RTN1: variants seen among roughly 807,000 people sequenced by gnomAD.
RTN1 encodes the protein reticulon-1.
In RTN1, 25 loss-of-function variants were observed where a neutral mutation model predicts 65.5. The ratio of observed to expected loss-of-function variants is 0.38; its 90% CI spans 0.28 to 0.53. The LOEUF (loss-of-function observed/expected upper bound fraction) is 0.53. RTN1 is among the 20% of genes least tolerant of loss of function. RTN1 has a pLI of 0.79. For missense variants in RTN1, 983 were observed against 1,025.4 expected, an observed-to-expected ratio of 0.96 and a Z score of 0.57; for synonymous variants, 471 against 447.6, an observed-to-expected ratio of 1.05 and a Z score of -0.66.
intron 3 of RTN1, among the ~76,000 whole-genome samples, chr14:59,721,600 G>A (rs1249890276): frequency 2.6e-5 from 4 of 152,182 alleles, no homozygotes; most frequent in African/African-American, 9.7e-5. Flanking sequence ...AGGTGCTGAG[G>A]TACCTGGTCC....
intron 1 of RTN1, among the ~76,000 whole-genome samples, chr14:59,749,650 T>G: frequency 1.8e-5 from 1 of 55,870 alleles, no homozygotes; most frequent in Non-Finnish European, 2.9e-5. Context: ...TATATATATT[T>G]ATATAGATAT....
At chr14:59,694,121 A>T (rs767851644) in intron 3 of RTN1, among the ~76,000 whole-genome samples, 1 of 152,188 alleles carries the variant, frequency 6.6e-6, no homozygotes, top group Non-Finnish European at 1.5e-5. Context: ...AAGGGTCTTC[A>T]TCGCCTTTTC....
intron 3 of RTN1, among the ~76,000 whole-genome samples, chr14:59,710,324 A>G (rs1298669060): frequency 1.3e-5 from 2 of 152,216 alleles, no homozygotes; most frequent in Non-Finnish European, 2.9e-5. Flanking sequence ...CACTGTTCCC[A>G]GCCAGGGCTG....
chr14:59,659,414 G>T (rs1883194373), intron 3 of RTN1, among the ~76,000 whole-genome samples: 1 of 151,996 alleles, frequency 6.6e-6, no homozygotes, highest in South Asian at 2.1e-4. Flanking sequence ...TTCTTGAGAA[G>T]AGCAACCCCA....
intron 1 of RTN1, among the ~76,000 whole-genome samples, chr14:59,864,981 G>GC (rs1222879720): frequency 5.9e-5 from 9 of 152,044 alleles, no homozygotes; most frequent in Admixed American, 5.9e-4. Context: ...AAATTAAAGA[G>GC]CATGCTTTCT....
At chr14:59,689,420 C>T (rs979066461) in intron 3 of RTN1, among the ~76,000 whole-genome samples, 1 of 152,134 alleles carries the variant, frequency 6.6e-6, no homozygotes, top group Non-Finnish European at 1.5e-5. Context: ...CTCAATCTTG[C>T]TAGAGAGGTA....
intron 3 of RTN1, among the ~76,000 whole-genome samples, chr14:59,698,183 T>G (rs1046910104): frequency 6.6e-6 from 1 of 152,184 alleles, no homozygotes; most frequent in Non-Finnish European, 1.5e-5. Flanking sequence ...GAGTTCTCTG[T>G]ACTGAGAATG....
At chr14:59,769,686 C>T (rs74058800) in intron 1 of RTN1, among the ~76,000 whole-genome samples, 1,753 of 152,300 alleles carry the variant, frequency 0.012, 31 homozygotes, top group African/African-American at 0.04. Flanking sequence ...GCCTTTATCA[C>T]GTAACAGTCT....
intron 2 of RTN1, among the ~76,000 whole-genome samples, chr14:59,728,387 A>C (rs112748783): frequency 6.6e-6 from 1 of 150,956 alleles, no homozygotes; most frequent in Non-Finnish European, 1.5e-5. Context: ...AGCCCACTGT[A>C]TTCTTTCCCT....
intron 3 of RTN1, among the ~76,000 whole-genome samples, chr14:59,616,420 T>G (rs766741933): frequency 4.6e-5 from 7 of 152,162 alleles, no homozygotes; most frequent in Non-Finnish European, 7.4e-5. Context: ...TAACAGGTGC[T>G]CTTAAATGCA....
At chr14:59,651,140 A>G (rs1391254257) in intron 3 of RTN1, among the ~76,000 whole-genome samples, 1 of 152,190 alleles carries the variant, frequency 6.6e-6, no homozygotes, top group African/African-American at 2.4e-5. Context: ...AAACTATACT[A>G]TGGGGCTATA....
intron 2 of RTN1, among the ~76,000 whole-genome samples, chr14:59,736,045 T>C (rs779390166): frequency 6.1e-4 from 93 of 152,162 alleles, no homozygotes; most frequent in Non-Finnish European, 1.2e-3. Context: ...AAAGCAGTGT[T>C]AAGAGGGAAA....
intron 3 of RTN1, among the ~76,000 whole-genome samples, chr14:59,703,345 C>T (rs1884220667): frequency 1.3e-5 from 2 of 152,276 alleles, no homozygotes; most frequent in African/African-American, 4.8e-5. Context: ...TTAGCACTAT[C>T]CCCTTAGTGA....
At chr14:59,822,744 CTT>C (rs1184119681) in intron 1 of RTN1, among the ~76,000 whole-genome samples, 1 of 151,896 alleles carries the variant, frequency 6.6e-6, no homozygotes, top group African/African-American at 2.4e-5. Flanking sequence ...TAATTTTTGC[CTT>C]GATCTCATTC....
chr14:59,806,257 T>C (rs556089777), intron 1 of RTN1, among the ~76,000 whole-genome samples: 2 of 150,542 alleles, frequency 1.3e-5, no homozygotes, highest in Admixed American at 1.3e-4. Context: ...TAATAATAAT[T>C]ATTATTATAT....
intron 3 of RTN1, among the ~76,000 whole-genome samples, chr14:59,707,767 A>G (rs1410943418): frequency 6.6e-6 from 1 of 151,980 alleles, no homozygotes; most frequent in Non-Finnish European, 1.5e-5. Context: ...AAACACACAC[A>G]TGCACTGAAA....
intron 1 of RTN1, among the ~76,000 whole-genome samples, chr14:59,775,389 T>A (rs1348647947): frequency 6.6e-6 from 1 of 152,174 alleles, no homozygotes; most frequent in African/African-American, 2.4e-5. Flanking sequence ...TGACCTTTTT[T>A]TTTGTAGGAG....
rs745686080 is a variant in RTN1, at chr14:59,746,268, T to C, written c.455A>G (p.Asp152Gly). Residue 152 changes from aspartate to glycine, a missense_variant, in exon 2 of 9, where the codon GAT becomes GGT. By Grantham distance (94) the Asp-to-Gly change is moderately conservative. Transcript: ENST00000267484. ...ELGTPGPSLP[D>G]VPGIESRGLF... ...GCCACGAGACTCTATCCCAGGCACA[T>C]CTGGTAAGGAGGGGCCGGGTGTACC... The C allele has an allele frequency of 3.1e-6, 5 of 1,613,492 alleles. No individual in the cohort carries two copies. The South Asian group carries it at 5.5e-5, about 18-fold the overall frequency.
chr14:59,835,606 A>AATATTATCTG (rs1887200046), intron 1 of RTN1, among the ~76,000 whole-genome samples: 1 of 152,186 alleles, frequency 6.6e-6, no homozygotes, highest in South Asian at 2.1e-4. Flanking sequence ...ATATAATAAA[A>AATATTATCTG]ATATTATCTG....
Sources: allele counts gnomAD v4.1 joint callset (sites outside exome capture counted in the v4.1 genomes callset), GRCh38; gene constraint gnomAD v4.1.1; transcripts MANE v1.5; gene names NCBI Gene and HGNC (gene_info 2026-07-23, HGNC 2026-07-21).